FAT3: variants seen among roughly 807,000 people sequenced by gnomAD.
The protein encoded by FAT3 is protocadherin Fat 3.
A neutral mutation model predicts 310.2 loss-of-function variants in FAT3; 95 were observed. The observed-to-expected ratio is 0.31, with a 90% CI of 0.26 to 0.36. The LOEUF (loss-of-function observed/expected upper bound fraction) is 0.36, where lower values mean the gene tolerates loss of function less well. FAT3 is among the 10% of genes least tolerant of loss of function. The pLI is 1.00. For missense variants in FAT3, 5,408 were observed against 5,715.6 expected, an observed-to-expected ratio of 0.95 and a Z score of 1.74; for synonymous variants, 2,314 against 2,192.9, an observed-to-expected ratio of 1.06 and a Z score of -1.54.
At position 92,354,523 on chromosome 11, in the gene FAT3, A is replaced by T; in HGVS notation, c.2411A>T (p.Tyr804Phe). Residue 804 changes from tyrosine (Y) to phenylalanine (F), a missense_variant, in exon 2 of 28, where the codon TAT (tyrosine) becomes TTT (phenylalanine). Transcript: ENST00000525166. ...TDLYLLNITI[Y>F]DLGNPQKSSW... The stretch of plus-strand genomic sequence containing the variant: ...CTCTATCTCCTTAATATCACCATCT[A>T]TGACTTAGGTAATCCACAGAAATCG... 6.2e-7 allele frequency: 1 copy of T among 1,613,854 alleles called. No individual in the cohort carries two copies. Among genetic ancestry groups the T allele is most frequent in the Non-Finnish European group, 8.5e-7 (1 of 1,179,868 alleles).
intron 4 of FAT3, among the ~76,000 whole-genome samples, chr11:92,737,908 C>A (rs1326866693): frequency 6.6e-6 from 1 of 152,044 alleles, no homozygotes; most frequent in African/African-American, 2.4e-5. Context: ...CAGAATCTGC[C>A]CCCTGATTGC....
In FAT3 at chr11:92,646,798, T is replaced by C. The variant is rs375604481; in HGVS notation, c.3608-50586T>C. ...GATGTGCACCCAGAGTTGTCAACAC[T>C]GATAACATTTATCTAGCAGCTGTTA... On this transcript the variant is annotated intron_variant, in intron 3 of 27. Coordinates refer to ENST00000525166, the MANE Select transcript of FAT3 (RefSeq NM_001367949.2). Among the ~76,000 whole-genome samples the C allele has an allele frequency of 7.2e-5, 11 of 152,320 alleles. No homozygotes were observed. The East Asian group carries it at 2.1e-3, about 29-fold the overall frequency.
At chr11:92,351,580 C>T (rs1948567728) in intron 1 of FAT3, among the ~76,000 whole-genome samples, 1 of 152,068 alleles carries the variant, frequency 6.6e-6, no homozygotes, top group African/African-American at 2.4e-5. Flanking sequence ...TTTTATGTCT[C>T]TATTTTTAAT....
chr11:92,388,582 ATTT>A, intron 2 of FAT3, among the ~76,000 whole-genome samples: 1 of 152,170 alleles, frequency 6.6e-6, no homozygotes, highest in South Asian at 2.1e-4. Flanking sequence ...AGGATTTAAT[ATTT>A]TATACCAGAT....
intron 3 of FAT3, among the ~76,000 whole-genome samples, chr11:92,613,438 C>T (rs1433734018): frequency 6.6e-6 from 1 of 152,182 alleles, no homozygotes; most frequent in African/African-American, 2.4e-5. Flanking sequence ...CAATTAGCCT[C>T]TAAACCAAAT....
intron 3 of FAT3, among the ~76,000 whole-genome samples, chr11:92,601,246 A>G (rs992272015): frequency 6.6e-6 from 1 of 152,062 alleles, no homozygotes; most frequent in East Asian, 1.9e-4. Flanking sequence ...AAAACATTCC[A>G]TACAGGCATC....
intron 4 of FAT3, among the ~76,000 whole-genome samples, chr11:92,739,230 A>G (rs1452144263): frequency 1.3e-5 from 2 of 152,210 alleles, no homozygotes; most frequent in Admixed American, 1.3e-4. Context: ...ACAGCCATAC[A>G]TCTTTGCCAA....
intron 2 of FAT3, among the ~76,000 whole-genome samples, chr11:92,477,197 T>C (rs922587318): frequency 8.5e-5 from 13 of 152,210 alleles, no homozygotes; most frequent in Admixed American, 3.9e-4. Flanking sequence ...CAGAAAAGAA[T>C]GGAGATTTCT....
intron 3 of FAT3, among the ~76,000 whole-genome samples, chr11:92,543,972 A>T (rs569940969): frequency 1.1e-3 from 173 of 152,286 alleles, no homozygotes; most frequent in Non-Finnish European, 1.7e-3. Flanking sequence ...ACTACTGAAC[A>T]ATAGTTTCTT....
chr11:92,628,725 T>C (rs1407983084), intron 3 of FAT3, among the ~76,000 whole-genome samples: 2 of 152,252 alleles, frequency 1.3e-5, no homozygotes, highest in Non-Finnish European at 2.9e-5. Context: ...TCTTTTTGCT[T>C]ATCCTTCCCA....
intron 1 of FAT3, among the ~76,000 whole-genome samples, chr11:92,299,270 C>T (rs901701428): frequency 6.6e-6 from 1 of 151,932 alleles, no homozygotes; most frequent in African/African-American, 2.4e-5. Context: ...CTGGAAGTAC[C>T]CAAGAAAGAC....
At chr11:92,399,679 C>T (rs776975699) in intron 2 of FAT3, among the ~76,000 whole-genome samples, 6 of 152,060 alleles carry the variant, frequency 3.9e-5, no homozygotes, top group South Asian at 4.1e-4. Flanking sequence ...GGCATGGGTT[C>T]GTATTTTACA....
intron 2 of FAT3, among the ~76,000 whole-genome samples, chr11:92,383,843 AAGAGTGAG>A (rs1466738875): frequency 6.6e-6 from 1 of 152,210 alleles, no homozygotes; most frequent in Non-Finnish European, 1.5e-5. Context: ...AAGAATTAAA[AAGAGTGAG>A]AGAGAGAGAA....
intron 3 of FAT3, among the ~76,000 whole-genome samples, chr11:92,649,873 T>A (rs6483183): frequency 0.34 from 11,023 of 32,816 alleles, 1,074 homozygotes; most frequent in African/African-American, 0.49. Flanking sequence ...CTTTGTATGT[T>A]CATATATATA....
At chr11:92,814,353 A>G (rs1485365044) in intron 13 of FAT3, among the ~76,000 whole-genome samples, 2 of 151,944 alleles carry the variant, frequency 1.3e-5, no homozygotes, top group African/African-American at 4.8e-5. Context: ...TTTTAGCCAA[A>G]CAACTCTTTT....
At chr11:92,378,291 A>T (rs983103609) in intron 2 of FAT3, among the ~76,000 whole-genome samples, 19 of 152,170 alleles carry the variant, frequency 1.2e-4, no homozygotes, top group African/African-American at 4.6e-4. Context: ...AATGTGTTTA[A>T]TGCTCTCTTG....
At chr11:92,647,767 C>T (rs1488199075) in intron 3 of FAT3, among the ~76,000 whole-genome samples, 3 of 152,118 alleles carry the variant, frequency 2.0e-5, no homozygotes, top group Non-Finnish European at 4.4e-5. Flanking sequence ...CTTAATACCT[C>T]TGGCCCTCTA....
intron 7 of FAT3, among the ~76,000 whole-genome samples, chr11:92,785,764 T>G (rs1470508135): frequency 1.3e-5 from 2 of 149,614 alleles, no homozygotes; most frequent in African/African-American, 5.1e-5. Context: ...AAGAAGTCAG[T>G]TTTCCTTTAT....
chr11:92,763,445 A>G (rs533478254), intron 5 of FAT3, among the ~76,000 whole-genome samples: 20 of 151,750 alleles, frequency 1.3e-4, no homozygotes, highest in African/African-American at 4.6e-4. Flanking sequence ...AGGACTGGAT[A>G]GATTCAAGTG....
Sources: allele counts gnomAD v4.1 joint callset (sites outside exome capture counted in the v4.1 genomes callset), GRCh38; gene constraint gnomAD v4.1.1; transcripts MANE v1.5; gene names NCBI Gene and HGNC (gene_info 2026-07-23, HGNC 2026-07-21).